Variants in HHAT observed in about 807,000 individuals in gnomAD.
The protein encoded by HHAT is protein-cysteine N-palmitoyltransferase HHAT.
In HHAT, 47 loss-of-function variants were observed where a neutral mutation model predicts 70.8. The observed-to-expected ratio is 0.66, with a 90% CI of 0.53 to 0.85. The LOEUF (loss-of-function observed/expected upper bound fraction) is 0.85. HHAT is among the 40% of genes least tolerant of loss of function. The pLI is 0.00. For missense variants in HHAT, 609 were observed against 604.8 expected, an observed-to-expected ratio of 1.01 and a Z score of -0.07; for synonymous variants, 228 against 247.6, an observed-to-expected ratio of 0.92 and a Z score of 0.74.
At chr1:210,671,449 C>T (rs867571751) in intron 11 of HHAT, among the ~76,000 whole-genome samples, 3 of 152,216 alleles carry the variant, frequency 2.0e-5, no homozygotes, top group African/African-American at 2.4e-5. Flanking sequence ...GCTAGTGTTC[C>T]CCTGCAAATT....
At chr1:210,336,112 C>A (rs948125838) in intron 1 of HHAT, among the ~76,000 whole-genome samples, 1 of 144,064 alleles carries the variant, frequency 6.9e-6, no homozygotes, top group Admixed American at 6.7e-5. Context: ...GCAGAAGGGG[C>A]TTCTGAGGCA....
At chr1:210,587,768 T>G (rs868298105) in intron 9 of HHAT, 130 bp from the exon 10 acceptor site, 30 of 707,188 alleles carry the variant, frequency 4.2e-5, no homozygotes, top group Middle Eastern at 3.2e-4. Flanking sequence ...CCAAGGAATC[T>G]GGCCTCTTGG....
At chr1:210,602,633 C>G (rs978620826) in intron 10 of HHAT, among the ~76,000 whole-genome samples, 1 of 152,196 alleles carries the variant, frequency 6.6e-6, no homozygotes, top group African/African-American at 2.4e-5. Context: ...AACCACTTAA[C>G]CAAACAGGAG....
intron 3 of HHAT, 72 bp from the exon 4 acceptor site, chr1:210,387,396 A>T (rs2091160159): frequency 4.0e-6 from 5 of 1,259,286 alleles, no homozygotes; most frequent in Non-Finnish European, 5.8e-6. Context: ...TTCCAGTTTT[A>T]TTAACTGGAG....
At chr1:210,560,814 T>TAAAAAAAAAAAAAAAAAAA (rs60192211) in intron 9 of HHAT, among the ~76,000 whole-genome samples, 2 of 28,514 alleles carry the variant, frequency 7.0e-5, no homozygotes, top group Non-Finnish European at 1.9e-4. Context: ...CCCTGTGTCT[T>TAAAAAAAAAAAAAAAAAAA]AAAAAAAAAA....
chr1:210,577,213 T>C (rs1658002785), intron 9 of HHAT, among the ~76,000 whole-genome samples: 1 of 152,204 alleles, frequency 6.6e-6, no homozygotes, highest in Non-Finnish European at 1.5e-5. Flanking sequence ...GTATTTCCAA[T>C]ACTATGTTGA....
intron 7 of HHAT, among the ~76,000 whole-genome samples, chr1:210,435,136 C>T (rs1333434186): frequency 6.6e-6 from 1 of 151,852 alleles, no homozygotes; most frequent in African/African-American, 2.4e-5. Flanking sequence ...CTCCTGCTTT[C>T]CCTTCCCAGC....
rs1160573556 is a variant in HHAT, at chr1:210,674,637, AC to A, written c.*261del. 4.7e-6 allele frequency: 2 copies of A among 422,012 alleles called. No homozygotes were observed. Among genetic ancestry groups the A allele is most frequent in the Non-Finnish European group, 8.5e-6 (2 of 236,466 alleles). 26.1% of individuals were successfully genotyped at this position (422,012 alleles called of 1,614,324 possible). On this transcript the variant is annotated 3_prime_UTR_variant, in exon 12 of 12. Coordinates refer to ENST00000261458, the MANE Select transcript of HHAT (RefSeq NM_018194.6). ...CGGGTCCAGGGCAGTCGTGTGTCTT[AC>A]CCAGCTACACAGGGTGACATTTTGG... is the stretch of plus-strand genomic sequence containing the variant.
chr1:210,635,347 G>C (rs1671677642), intron 11 of HHAT, among the ~76,000 whole-genome samples: 1 of 152,228 alleles, frequency 6.6e-6, no homozygotes, highest in South Asian at 2.1e-4. Context: ...CTGAGGATCA[G>C]AGAAGCCCAT....
chr1:210,370,140 T>C (rs1225579778), intron 3 of HHAT, among the ~76,000 whole-genome samples: 5 of 151,214 alleles, frequency 3.3e-5, no homozygotes. Context: ...CTTCACCTTA[T>C]TTTCTCCTAG....
chr1:210,482,571 C>T (rs947814820), intron 8 of HHAT, among the ~76,000 whole-genome samples: 3 of 152,106 alleles, frequency 2.0e-5, no homozygotes, highest in Non-Finnish European at 2.9e-5. Context: ...TGATCCCAGC[C>T]CTTGAAAGCC....
chr1:210,409,081 G>C (rs962787521), intron 6 of HHAT, among the ~76,000 whole-genome samples: 2 of 152,108 alleles, frequency 1.3e-5, no homozygotes, highest in African/African-American at 4.8e-5. Context: ...GCCCAGGCTG[G>C]TCTCAAACTC....
intron 8 of HHAT, among the ~76,000 whole-genome samples, chr1:210,468,625 T>C (rs1001956301): frequency 6.6e-6 from 1 of 152,178 alleles, no homozygotes; most frequent in African/African-American, 2.4e-5. Context: ...TAGAATAATT[T>C]AGGTCCCTAG....
intron 8 of HHAT, among the ~76,000 whole-genome samples, chr1:210,465,540 C>T (rs939472696): frequency 5.9e-5 from 9 of 152,184 alleles, no homozygotes; most frequent in African/African-American, 9.7e-5. Flanking sequence ...GACAAGTTCT[C>T]ACTATGTTTC....
intron 9 of HHAT, among the ~76,000 whole-genome samples, chr1:210,578,884 A>G (rs776792359): frequency 6.6e-5 from 10 of 152,236 alleles, no homozygotes; most frequent in Non-Finnish European, 1.5e-4. Flanking sequence ...ACTATTCACA[A>G]TAGCAAAGAC....
chr1:210,492,283 TTA>T (rs1384189159), intron 8 of HHAT, among the ~76,000 whole-genome samples: 1 of 152,178 alleles, frequency 6.6e-6, no homozygotes, highest in Non-Finnish European at 1.5e-5. Flanking sequence ...CTCCTACCAT[TTA>T]TGATACAGCA....
chr1:210,339,961 T>C (rs1056996904), intron 1 of HHAT, among the ~76,000 whole-genome samples: 2 of 152,172 alleles, frequency 1.3e-5, no homozygotes, highest in African/African-American at 4.8e-5. Flanking sequence ...ATCTAGTCAT[T>C]CTTCTGTGTT....
intron 9 of HHAT, among the ~76,000 whole-genome samples, chr1:210,522,639 G>A (rs144346181): frequency 7.2e-5 from 11 of 152,198 alleles, no homozygotes; most frequent in Non-Finnish European, 1.0e-4. Context: ...AGAATAAGAC[G>A]CACCGTTGTC....
intron 2 of HHAT, among the ~76,000 whole-genome samples, chr1:210,350,470 C>T (rs1214965515): frequency 6.6e-6 from 1 of 152,090 alleles, no homozygotes; most frequent in Non-Finnish European, 1.5e-5. Flanking sequence ...TATTGTTTTC[C>T]TGATATAGAT....
Sources: allele counts gnomAD v4.1 joint callset (sites outside exome capture counted in the v4.1 genomes callset), GRCh38; gene constraint gnomAD v4.1.1; transcripts MANE v1.5; gene names NCBI Gene and HGNC (gene_info 2026-07-23, HGNC 2026-07-21).